Variants in MYCBP2 observed in about 807,000 individuals in gnomAD.
The protein encoded by MYCBP2 is MYC binding protein 2.
A neutral mutation model predicts 525.3 loss-of-function variants in MYCBP2; 120 were observed. The observed-to-expected ratio is 0.23, with a 90% CI of 0.20 to 0.27. The LOEUF is 0.27. Among genes scored for constraint, MYCBP2 ranks in the 10% least tolerant of loss-of-function variants. The probability of loss-of-function intolerance (pLI) is 1.00; values close to 1 mark genes in which losing one functional copy is unlikely to be tolerated. For synonymous variants in MYCBP2, 1,894 were observed against 1,955.8 expected (o/e 0.97, Z 0.83); for missense variants, 4,149 against 5,657.1 (o/e 0.73, Z 8.55).
intron 52 of MYCBP2, among the ~76,000 whole-genome samples, chr13:77,138,873 C>T (rs990067110): frequency 6.6e-6 from 1 of 152,170 alleles, no homozygotes; most frequent in African/African-American, 2.4e-5. Flanking sequence ...TCATTCCACA[C>T]AGCTGTATAA....
intron 4 of MYCBP2, among the ~76,000 whole-genome samples, chr13:77,276,303 A>C (rs1411107109): frequency 1.3e-5 from 2 of 152,194 alleles, no homozygotes; most frequent in Admixed American, 1.3e-4. Flanking sequence ...AGTTATATAA[A>C]TATACACATA....
intron 45 of MYCBP2, among the ~76,000 whole-genome samples, chr13:77,157,342 A>G (rs894397128): frequency 6.6e-5 from 10 of 152,166 alleles, no homozygotes; most frequent in African/African-American, 2.2e-4. Flanking sequence ...CTTCCACCTC[A>G]GCCTCCAAGT....
intron 24 of MYCBP2, among the ~76,000 whole-genome samples, chr13:77,206,233 A>G (rs1291814839): frequency 6.6e-6 from 1 of 151,710 alleles, no homozygotes; most frequent in East Asian, 1.9e-4. Flanking sequence ...TTAAATAAGA[A>G]TGAAGTTGAT....
At chr13:77,320,287 TG>T (rs1410324987) in intron 1 of MYCBP2, among the ~76,000 whole-genome samples, 1 of 152,168 alleles carries the variant, frequency 6.6e-6, no homozygotes, top group Non-Finnish European at 1.5e-5. Context: ...AACATGTGCC[TG>T]AAAGCGGGAT....
intron 39 of MYCBP2, among the ~76,000 whole-genome samples, chr13:77,169,322 G>T (rs1304917360): frequency 1.3e-5 from 2 of 149,726 alleles, no homozygotes; most frequent in Non-Finnish European, 3.0e-5. Flanking sequence ...CGTGAACCCG[G>T]AAGGCGGAGC....
rs1424093082 is a variant in MYCBP2, at chr13:77,125,285, T to C, written c.8017+51A>G. On this transcript the variant is annotated intron_variant, in intron 54 of 82. Coordinates refer to ENST00000544440, the MANE Select transcript of MYCBP2 (RefSeq NM_015057.5). ...AAAGCAATACAATAGGCATTAAACT[T>C]CTGTATTTGAAAGCTTAATTGGAAT... The C allele has an allele frequency of 3.1e-6, 5 of 1,606,840 alleles. No homozygotes were observed. The South Asian group carries it at 4.4e-5, about 14-fold the overall frequency.
intron 18 of MYCBP2, among the ~76,000 whole-genome samples, chr13:77,230,781 G>A (rs2067018344): frequency 6.6e-6 from 1 of 152,226 alleles, no homozygotes; most frequent in Admixed American, 6.5e-5. Context: ...GCTGAAGAGG[G>A]CTGAGAGGAT....
chr13:77,077,059 T>C (rs987956729), intron 67 of MYCBP2, 89 bp downstream of exon 67: 1 of 1,506,220 alleles, frequency 6.6e-7, no homozygotes, highest in African/African-American at 1.4e-5. Context: ...CAGAAATTTC[T>C]GTAATAAGTT....
intron 21 of MYCBP2, among the ~76,000 whole-genome samples, chr13:77,212,688 C>T (rs755259749): frequency 2.0e-4 from 30 of 152,074 alleles, no homozygotes; most frequent in Non-Finnish European, 3.4e-4. Context: ...TAAATTATTT[C>T]ATTTATGTTT....
chr13:77,320,751 C>T (rs2154382413), intron 1 of MYCBP2, among the ~76,000 whole-genome samples: 1 of 152,188 alleles, frequency 6.6e-6, no homozygotes, highest in East Asian at 1.9e-4. Flanking sequence ...ACATGCAGTA[C>T]CCAGCGCCAT....
intron 59 of MYCBP2, among the ~76,000 whole-genome samples, chr13:77,091,506 T>C (rs2045416987): frequency 5.3e-5 from 8 of 152,110 alleles, no homozygotes; most frequent in Admixed American, 5.2e-4. Context: ...AGATGACATC[T>C]TTAATTGAAT....
intron 1 of MYCBP2, among the ~76,000 whole-genome samples, chr13:77,304,573 T>C (rs917625137): frequency 6.6e-6 from 1 of 152,132 alleles, no homozygotes; most frequent in East Asian, 1.9e-4. Context: ...CAATGTATTA[T>C]ACAACTTCAA....
chr13:77,201,846 G>A (rs891251566), intron 26 of MYCBP2, among the ~76,000 whole-genome samples: 1 of 152,054 alleles, frequency 6.6e-6, no homozygotes, highest in African/African-American at 2.4e-5. Context: ...TGAAACCAAC[G>A]AGAACAAAGA....
chr13:77,161,786 A>G (rs2057958453), intron 44 of MYCBP2, 120 bp downstream of exon 44: 3 of 714,804 alleles, frequency 4.2e-6, no homozygotes, highest in African/African-American at 1.8e-5. Flanking sequence ...TATAATGCCA[A>G]TGAATAAAGT....
At chr13:77,185,798 T>C (rs1595230455) in intron 31 of MYCBP2, 73 bp downstream of exon 31, 10 of 1,144,514 alleles carry the variant, frequency 8.7e-6, no homozygotes, top group Middle Eastern at 2.1e-4. Flanking sequence ...AAACTCTCAG[T>C]TATCTCAAAG....
intron 1 of MYCBP2, among the ~76,000 whole-genome samples, chr13:77,297,170 C>G (rs2078282387): frequency 5.3e-5 from 8 of 152,010 alleles, no homozygotes; most frequent in Admixed American, 5.2e-4. Flanking sequence ...AGTCCTAAGA[C>G]CAAATTATTC....
chr13:77,314,401 A>G (rs1317721371), intron 1 of MYCBP2, among the ~76,000 whole-genome samples: 2 of 152,220 alleles, frequency 1.3e-5, no homozygotes, highest in Admixed American at 1.3e-4. Context: ...TGAACAGACA[A>G]ATTCTGGTAC....
chr13:77,308,444 A>G (rs2079736017), intron 1 of MYCBP2, among the ~76,000 whole-genome samples: 1 of 152,204 alleles, frequency 6.6e-6, no homozygotes, highest in Non-Finnish European at 1.5e-5. Flanking sequence ...GTCATTTACC[A>G]GCACTGTGAT....
chr13:77,163,846 A>G (rs1416431247), intron 43 of MYCBP2, among the ~76,000 whole-genome samples: 1 of 152,184 alleles, frequency 6.6e-6, no homozygotes, highest in African/African-American at 2.4e-5. Context: ...TTCTCAGAGC[A>G]TGCAAAAATC....
Sources: gnomAD v4.1 joint callset for allele counts (sites outside exome capture counted in the v4.1 genomes callset) on GRCh38, gnomAD v4.1.1 for gene constraint, MANE v1.5 for transcripts, NCBI Gene and HGNC (gene_info 2026-07-23, HGNC 2026-07-21) for gene names.